CFAP44: variants seen among roughly 807,000 people sequenced by gnomAD.
CFAP44 encodes the protein cilia- and flagella-associated protein 44.
Under a neutral mutation model 216.2 loss-of-function variants are expected in CFAP44, and 134 were observed. That is an observed-to-expected ratio of 0.62 (90% CI 0.54 to 0.72). CFAP44 has a LOEUF of 0.72. Among genes scored for constraint, CFAP44 ranks in the 30% least tolerant of loss-of-function variants. The pLI, the probability that CFAP44 is intolerant of heterozygous loss-of-function variation, is 0.00. For missense variants in CFAP44, 2,035 were observed against 2,182.1 expected, an observed-to-expected ratio of 0.93 and a Z score of 1.34; for synonymous variants, 700 against 727.6, an observed-to-expected ratio of 0.96 and a Z score of 0.61.
intron 6 of CFAP44, among the ~76,000 whole-genome samples, chr3:113,410,293 T>C (rs969467126): frequency 3.3e-5 from 5 of 152,184 alleles, no homozygotes; most frequent in African/African-American, 1.2e-4. Context: ...ATGCTATCCC[T>C]ACCCCCTCTC....
At chr3:113,429,270 G>A (rs1220885754) in intron 2 of CFAP44, among the ~76,000 whole-genome samples, 3 of 151,884 alleles carry the variant, frequency 2.0e-5, no homozygotes, top group African/African-American at 7.3e-5. Flanking sequence ...TTCTATTTTT[G>A]CTTTGTGTAT....
At chr3:113,433,171 G>A (rs1177094585) in intron 2 of CFAP44, among the ~76,000 whole-genome samples, 1 of 152,044 alleles carries the variant, frequency 6.6e-6, no homozygotes, top group Non-Finnish European at 1.5e-5. Context: ...GCTCATGCCT[G>A]TAATCCCAGC....
Position 113,412,835 on chromosome 3 carries a change from C to T in CFAP44, c.674-3513G>A, listed in dbSNP as rs114861284. Among the ~76,000 whole-genome samples, 1,213 of 152,184 alleles carry T rather than the reference C, an allele frequency of 8.0e-3. 17 individuals carry two copies. Among genetic ancestry groups the T allele is most frequent in the African/African-American group, 0.028 (1,142 of 41,516 alleles). ...TGTAAATAGTGTTGTAATAAACATA[C>T]GTGTGCATGTCTCTTTACAGCAGAA... On this transcript the variant is annotated intron_variant, in intron 6 of 34. Coordinates refer to ENST00000393845, the MANE Select transcript of CFAP44 (RefSeq NM_001164496.2).
intron 15 of CFAP44, among the ~76,000 whole-genome samples, chr3:113,392,449 A>G (rs1933869337): frequency 6.9e-6 from 1 of 144,086 alleles, no homozygotes; most frequent in Non-Finnish European, 1.5e-5. Context: ...GGGATGGTAT[A>G]TGAGTAAGAA....
In CFAP44 at chr3:113,358,878, G is replaced by A; in HGVS notation, c.2935-3C>T. On this transcript the variant is annotated splice_region_variant and splice_polypyrimidine_tract_variant and intron_variant, in intron 21 of 34. Coordinates refer to ENST00000393845, the MANE Select transcript of CFAP44 (RefSeq NM_001164496.2). ...ATTTGGGAATCTACATCAAAATCCT[G>A]CAGATAAGAAGATCTGTTCATCAAA... 1 of 1,535,452 alleles carries A rather than the reference G, an allele frequency of 6.5e-7. No homozygotes were observed. Among genetic ancestry groups the A allele is most frequent in the Non-Finnish European group, 8.7e-7 (1 of 1,145,926 alleles).
At chr3:113,340,026 A>G (rs903628761) in intron 24 of CFAP44, among the ~76,000 whole-genome samples, 1 of 152,160 alleles carries the variant, frequency 6.6e-6, no homozygotes, top group African/African-American at 2.4e-5. Context: ...GGCGAGAAGC[A>G]CATGTCCATT....
At chr3:113,329,287 A>C (rs770580418) in intron 26 of CFAP44, among the ~76,000 whole-genome samples, 3 of 152,216 alleles carry the variant, frequency 2.0e-5, no homozygotes, top group Non-Finnish European at 2.9e-5. Flanking sequence ...AGGGTTTGGA[A>C]CTGAGCCATG....
rs192038990 is a variant in CFAP44 at position 113,329,667 on chromosome 3, G to A, written c.4116+501C>T. 1.9e-3 allele frequency among the ~76,000 whole-genome samples: 290 copies of A among 152,294 alleles called. 2 individuals carry two copies. The highest frequency in any genetic ancestry group is 5.7e-3 in the African/African-American group (237 of 41,554). On this transcript the variant is annotated intron_variant, in intron 26 of 34. Coordinates refer to ENST00000393845, the MANE Select transcript of CFAP44 (RefSeq NM_001164496.2). ...CTGGTCCTGAATTTCCTAGAAATAA[G>A]AATAGTCGCCATTCCAGCTCCAGAA...
chr3:113,420,725 T>G (rs1576603467), intron 4 of CFAP44, among the ~76,000 whole-genome samples: 1 of 152,298 alleles, frequency 6.6e-6, no homozygotes, highest in Non-Finnish European at 1.5e-5. Context: ...ATGCTTAAAA[T>G]TCTAACAAAC....
At chr3:113,370,540 C>T (rs184273627) in intron 18 of CFAP44, among the ~76,000 whole-genome samples, 1 of 152,132 alleles carries the variant, frequency 6.6e-6, no homozygotes, top group African/African-American at 2.4e-5. Context: ...GCCCTTCATG[C>T]TAAAAACTCT....
chr3:113,294,046 A>T (rs1227687930), intron 34 of CFAP44: 1 of 456,718 alleles, frequency 2.2e-6, no homozygotes, highest in Admixed American at 2.3e-5. Flanking sequence ...GTTCTGAAAG[A>T]AAATATAAAG....
rs185028096 is a variant in CFAP44, at chr3:113,409,420, G to A, written c.674-98C>T. 6.2e-5 allele frequency: 66 copies of A among 1,068,262 alleles called. No homozygotes were observed. The Admixed American group carries it at 1.2e-3, about 20-fold the overall frequency. The allele number at this position is 1,068,262 out of a possible 1,614,324, so 66.2% of individuals were successfully genotyped here. ...AGAGAGGGAGTCAGCCCATGGTGAT[G>A]TAAGAATGCCAAGAATACCCTAAAG... On this transcript the variant is annotated intron_variant, in intron 6 of 34. Coordinates refer to ENST00000393845, the MANE Select transcript of CFAP44 (RefSeq NM_001164496.2).
chr3:113,351,662 T>C (rs1371037026), intron 22 of CFAP44, among the ~76,000 whole-genome samples: 1 of 152,154 alleles, frequency 6.6e-6, no homozygotes, highest in Non-Finnish European at 1.5e-5. Context: ...CCAACCGGCA[T>C]TTACAGGAAA....
intron 6 of CFAP44, among the ~76,000 whole-genome samples, chr3:113,412,907 T>C (rs1362693461): frequency 6.6e-6 from 1 of 152,170 alleles, no homozygotes; most frequent in East Asian, 1.9e-4. Context: ...TATTGCTGGG[T>C]CAAATGGCAT....
intron 17 of CFAP44, among the ~76,000 whole-genome samples, chr3:113,374,782 G>C (rs1182606463): frequency 1.3e-5 from 2 of 152,110 alleles, no homozygotes; most frequent in African/African-American, 4.8e-5. Flanking sequence ...TTGCAGGTTT[G>C]AGCCACTCCG....
At position 113,379,516 on chromosome 3, in the gene CFAP44, C is replaced by G. The variant is rs770053618; in HGVS notation, c.2088G>C (p.Arg696Ser). The change falls in exon 17 of 35, where the codon AGG (arginine) becomes AGC (serine). Residue 696 changes from arginine (R) to serine (S), a missense_variant. By Grantham distance (110) the Arg-to-Ser change is moderately radical. Transcript: ENST00000393845. ...LIEIEKRERQ[R>S]ELKEKIREER... Reference sequence around the variant, plus strand: ...CTTCCCTTATTTTCTCCTTCAACTCCCTTTGTCTCTCCCTCTTTTCAATTT... The same window carrying G: ...CTTCCCTTATTTTCTCCTTCAACTCGCTTTGTCTCTCCCTCTTTTCAATTT... The G allele has an allele frequency of 8.1e-6, 13 of 1,599,036 alleles. No individual in the cohort carries two copies. Among genetic ancestry groups the G allele is most frequent in the Non-Finnish European group, 1.1e-5 (13 of 1,166,882 alleles).
intron 1 of CFAP44, among the ~76,000 whole-genome samples, chr3:113,440,928 G>A (rs1003631027): frequency 5.3e-5 from 8 of 152,208 alleles, no homozygotes; most frequent in Admixed American, 2.0e-4. Context: ...GTATGCGACT[G>A]TCTTTACCTA....
chr3:113,310,218 C>T (rs1950025165), intron 28 of CFAP44, among the ~76,000 whole-genome samples: 1 of 152,190 alleles, frequency 6.6e-6, no homozygotes, highest in African/African-American at 2.4e-5. Flanking sequence ...CCTGGACTTC[C>T]ACTCCCAAGG....
At chr3:113,363,403 T>G in intron 20 of CFAP44, 74 bp downstream of exon 20, 1 of 1,573,206 alleles carries the variant, frequency 6.4e-7, no homozygotes, top group African/African-American at 1.4e-5. Flanking sequence ...TCATTAAGCT[T>G]GGTCAACTTC....
Sources: gnomAD v4.1 joint callset for allele counts (sites outside exome capture counted in the v4.1 genomes callset) on GRCh38, gnomAD v4.1.1 for gene constraint, MANE v1.5 for transcripts, NCBI Gene and HGNC (gene_info 2026-07-23, HGNC 2026-07-21) for gene names.